Variants in APBA1 observed in about 807,000 individuals in gnomAD.
The protein encoded by APBA1 is amyloid-beta A4 precursor protein-binding family A member 1.
In APBA1, 55 loss-of-function variants were observed where a neutral mutation model predicts 86.6. The observed-to-expected ratio is 0.64, with a 90% CI of 0.51 to 0.80. The LOEUF (loss-of-function observed/expected upper bound fraction) is 0.80. APBA1 is among the 30% of genes least tolerant of loss of function. The pLI is 0.00. For synonymous variants in APBA1, 511 were observed against 493.9 expected (o/e 1.03, Z -0.46); for missense variants, 1,090 against 1,183.0 (o/e 0.92, Z 1.15).
Position 69,611,300 on chromosome 9 carries a change from A to C in APBA1, c.-70+60853T>G, listed in dbSNP as rs1055488890. Among the ~76,000 whole-genome samples, 135 of 150,912 alleles carry C rather than the reference A, an allele frequency of 8.9e-4. 1 individual carries two copies. The highest frequency in any genetic ancestry group is 2.4e-4 in the Non-Finnish European group (16 of 67,704). ...ACCAGAAAAGGAAAAAAAAAAAAAA[A>C]AAAACAAAAAAAAAACCCAAACCGG... On this transcript the variant is annotated intron_variant, in intron 1 of 12. Transcript: ENST00000265381.
chr9:69,567,132 C>A (rs1415990791), intron 1 of APBA1, among the ~76,000 whole-genome samples: 1 of 152,076 alleles, frequency 6.6e-6, no homozygotes, highest in Non-Finnish European at 1.5e-5. Context: ...ATTATATATT[C>A]ATTCAACAAG....
intron 1 of APBA1, among the ~76,000 whole-genome samples, chr9:69,654,599 CT>C (rs1439904311): frequency 6.6e-6 from 1 of 152,196 alleles, no homozygotes; most frequent in African/African-American, 2.4e-5. Flanking sequence ...GAACTGATGG[CT>C]CCACCACTAA....
rs558728620 is a variant in APBA1 at position 69,447,989 on chromosome 9, T to C, written c.2181+1595A>G. On this transcript the variant is annotated intron_variant, in intron 10 of 12. Coordinates refer to ENST00000265381, the MANE Select transcript of APBA1 (RefSeq NM_001163.4). ...CAACTTGCTCACTGGCAGGAGCGAC[T>C]TGTGGTCCTGCCTCCCTAGCCCCAC... Among the ~76,000 whole-genome samples, 202 of 152,262 alleles carry C rather than the reference T, an allele frequency of 1.3e-3. 1 individual carries two copies. The highest frequency in any genetic ancestry group is 4.5e-3 in the African/African-American group (189 of 41,542).
Position 69,653,381 on chromosome 9 carries a change from C to T in APBA1, c.-70+18772G>A, listed in dbSNP as rs111365551. 3.9e-3 allele frequency among the ~76,000 whole-genome samples: 600 copies of T among 152,298 alleles called. 3 individuals carry two copies. The highest frequency in any genetic ancestry group is 5.9e-3 in the Admixed American group (90 of 15,300). On this transcript the variant is annotated intron_variant, in intron 1 of 12. Transcript: ENST00000265381. ...ATAGCAGAAGAGTTCAACACCCCCA[C>T]TTTCAGCAGTGAACAGATCATCCAG...
intron 9 of APBA1, among the ~76,000 whole-genome samples, chr9:69,451,855 C>T (rs893143722): frequency 6.6e-6 from 1 of 152,210 alleles, no homozygotes; most frequent in African/African-American, 2.4e-5. Context: ...CAGGTCCTAT[C>T]TGCCTCTGGG....
chr9:69,518,200 A>T (rs1836198343), intron 1 of APBA1, among the ~76,000 whole-genome samples: 1 of 152,216 alleles, frequency 6.6e-6, no homozygotes, highest in Non-Finnish European at 1.5e-5. Flanking sequence ...TTTATATAGC[A>T]TTTATATTGT....
chr9:69,570,103 A>T (rs1837092381), intron 1 of APBA1, among the ~76,000 whole-genome samples: 1 of 152,210 alleles, frequency 6.6e-6, no homozygotes, highest in South Asian at 2.1e-4. Flanking sequence ...AGTCATCTGG[A>T]GCAATGAGAA....
At chr9:69,586,322 A>C (rs907762619) in intron 1 of APBA1, among the ~76,000 whole-genome samples, 1 of 152,188 alleles carries the variant, frequency 6.6e-6, no homozygotes, top group Non-Finnish European at 1.5e-5. Context: ...TTGTTTATAC[A>C]TCTCTTATTA....
intron 1 of APBA1, among the ~76,000 whole-genome samples, chr9:69,668,936 C>A (rs1334275021): frequency 6.6e-6 from 1 of 152,162 alleles, no homozygotes; most frequent in Non-Finnish European, 1.5e-5. Context: ...CTGTGAACTC[C>A]CACAGCTCTG....
rs575504395 is a variant in APBA1, at chr9:69,511,866, T to G, written c.1200+4145A>C. On this transcript the variant is annotated intron_variant, in intron 2 of 12. Coordinates refer to ENST00000265381, the MANE Select transcript of APBA1 (RefSeq NM_001163.4). ...CATATTCTCACTCATAGGCGGGAAT[T>G]GAACAATGAGATCACATGGACACAG... Among the ~76,000 whole-genome samples, 19 of 148,732 alleles carry G rather than the reference T, an allele frequency of 1.3e-4. No homozygotes were observed. The South Asian group carries it at 3.8e-3, about 30-fold the overall frequency.
chr9:69,525,154 A>G (rs1475680451), intron 1 of APBA1, among the ~76,000 whole-genome samples: 1 of 152,128 alleles, frequency 6.6e-6, no homozygotes, highest in Non-Finnish European at 1.5e-5. Context: ...TGGAAGCATT[A>G]CCTTTGAGAA....
intron 8 of APBA1, among the ~76,000 whole-genome samples, chr9:69,453,523 C>T (rs1354357831): frequency 6.6e-6 from 1 of 152,184 alleles, no homozygotes; most frequent in Non-Finnish European, 1.5e-5. Flanking sequence ...AAATGCTATA[C>T]AAGGTATATG....
At chr9:69,599,599 A>G (rs1460667855) in intron 1 of APBA1, among the ~76,000 whole-genome samples, 1 of 152,224 alleles carries the variant, frequency 6.6e-6, no homozygotes, top group East Asian at 1.9e-4. Context: ...CTACTGAAGT[A>G]GGGATTATAG....
At chr9:69,455,905 T>C (rs1001055550) in intron 8 of APBA1, among the ~76,000 whole-genome samples, 3 of 152,148 alleles carry the variant, frequency 2.0e-5, no homozygotes, top group African/African-American at 7.2e-5. Flanking sequence ...AGGTCTCTGC[T>C]CCAAGGTCAC....
intron 2 of APBA1, among the ~76,000 whole-genome samples, chr9:69,487,712 G>T (rs1053124425): frequency 6.6e-6 from 1 of 152,060 alleles, no homozygotes; most frequent in Non-Finnish European, 1.5e-5. Flanking sequence ...CCCTTGACAG[G>T]TGATGTCCTG....
At chr9:69,498,305 A>G (rs1052388229) in intron 2 of APBA1, among the ~76,000 whole-genome samples, 4 of 152,082 alleles carry the variant, frequency 2.6e-5, no homozygotes, top group African/African-American at 9.7e-5. Flanking sequence ...GGCCCTCAGC[A>G]TCAATGCCCA....
rs528087873 is a variant in APBA1 at position 69,575,702 on chromosome 9, C to T, written c.-69-58423G>A. Among the ~76,000 whole-genome samples, 1,303 of 152,202 alleles carry T rather than the reference C, an allele frequency of 8.6e-3. 19 individuals carry two copies. The highest frequency in any genetic ancestry group is 0.03 in the African/African-American group (1,227 of 41,518). On this transcript the variant is annotated intron_variant, in intron 1 of 12. Coordinates refer to ENST00000265381, the MANE Select transcript of APBA1 (RefSeq NM_001163.4). ...CCTTCCTTACACCTTATACAAAAAT[C>T]AATTCAAGATGAATTAAAGACTTAA...
Position 69,516,838 on chromosome 9 carries a change from C to T in APBA1, c.373G>A (p.Glu125Lys). Residue 125 changes from glutamate (E) to lysine (K), a missense_variant, in exon 2 of 13, where the codon GAG (glutamate) becomes AAG (lysine). By Grantham distance (56) the Glu-to-Lys change is moderately conservative (BLOSUM62 1). Transcript: ENST00000265381. This position sits in a 1 kb window ranked among gnomAD's most constrained non-coding sequence, Gnocchi z 7.3. Reference sequence around the variant, plus strand: ...GCCTGCTCCGTGTACTCCTCGGCCTCGGGCCGGTACTGCACAGCATAGGCG... The same window carrying T: ...GCCTGCTCCGTGTACTCCTCGGCCTTGGGCCGGTACTGCACAGCATAGGCG... ...ESAYAVQYRP[E>K]AEEYTEQAEA... The T allele has an allele frequency of 6.2e-7, 1 of 1,603,944 alleles. No homozygotes were observed. Among genetic ancestry groups the T allele is most frequent in the Non-Finnish European group, 8.5e-7 (1 of 1,179,036 alleles).
At chr9:69,621,786 C>T (rs901797756) in intron 1 of APBA1, among the ~76,000 whole-genome samples, 2 of 152,118 alleles carry the variant, frequency 1.3e-5, no homozygotes, top group South Asian at 2.1e-4. Context: ...AAAATACAAG[C>T]GAGTCAGGCT....
Sources: gnomAD v4.1 joint callset for allele counts (sites outside exome capture counted in the v4.1 genomes callset) on GRCh38, gnomAD v4.1.1 for gene constraint, Gnocchi (gnomAD v3.1) non-coding constraint, MANE v1.5 for transcripts, NCBI Gene and HGNC (gene_info 2026-07-23, HGNC 2026-07-21) for gene names.